The following TBC1D22A variants were observed in gnomAD, a reference collection of about 807,000 sequenced individuals.
TBC1D22A encodes putative GTPase activator.
Under a neutral mutation model 60.2 loss-of-function variants are expected in TBC1D22A, and 38 were observed. The observed-to-expected ratio is 0.63, with a 90% CI of 0.49 to 0.83. TBC1D22A has a LOEUF of 0.83. TBC1D22A is among the 40% of genes least tolerant of loss of function. The pLI is 0.00. For synonymous variants in TBC1D22A, 302 were observed against 281.7 expected (o/e 1.07, Z -0.72); for missense variants, 628 against 701.0 (o/e 0.90, Z 1.18).
chr22:46,944,796 C>T (rs928381187), intron 8 of TBC1D22A, among the ~76,000 whole-genome samples: 1 of 152,104 alleles, frequency 6.6e-6, no homozygotes, highest in Non-Finnish European at 1.5e-5. Context: ...AATGAAGATA[C>T]TTTTATTTTA....
intron 11 of TBC1D22A, among the ~76,000 whole-genome samples, chr22:47,062,134 G>GC (rs2063603671): frequency 7.0e-6 from 1 of 143,782 alleles, no homozygotes; most frequent in Admixed American, 7.1e-5. Context: ...TCAGTCCTCC[G>GC]CCCCCTTTGT....
intron 10 of TBC1D22A, among the ~76,000 whole-genome samples, chr22:47,010,301 C>T (rs1249993629): frequency 6.6e-6 from 1 of 152,130 alleles, no homozygotes; most frequent in Non-Finnish European, 1.5e-5. Flanking sequence ...AAATCAGCAG[C>T]GCAGCCAGGC....
At chr22:46,948,651 T>C (rs1292629751) in intron 8 of TBC1D22A, among the ~76,000 whole-genome samples, 1 of 152,226 alleles carries the variant, frequency 6.6e-6, no homozygotes, top group Non-Finnish European at 1.5e-5. Context: ...GCACAGAAGC[T>C]GTCTTCCCTC....
chr22:46,787,377 C>G (rs1474301528), intron 1 of TBC1D22A, among the ~76,000 whole-genome samples: 1 of 152,220 alleles, frequency 6.6e-6, no homozygotes, highest in African/African-American at 2.4e-5. Context: ...TGCCTCTCCT[C>G]TCTTTCTGTC....
intron 10 of TBC1D22A, among the ~76,000 whole-genome samples, chr22:47,036,789 C>T (rs1194299309): frequency 1.3e-5 from 2 of 152,194 alleles, no homozygotes. Flanking sequence ...ACTCAAGCCC[C>T]CCCATCTTCC....
intron 1 of TBC1D22A, among the ~76,000 whole-genome samples, chr22:46,776,220 G>A (rs1456746401): frequency 6.6e-6 from 1 of 152,228 alleles, no homozygotes; most frequent in Non-Finnish European, 1.5e-5. Flanking sequence ...CTGGGACAAG[G>A]CCTTCTTGGC....
rs532929897 is a variant in TBC1D22A, at chr22:46,788,157, C to T, written c.63-4363C>T. Among the ~76,000 whole-genome samples, 63 of 152,048 alleles carry T rather than the reference C, an allele frequency of 4.1e-4. No individual in the cohort carries two copies. The East Asian group carries it at 6.4e-3, about 15-fold the overall frequency. ...TTCACTGTGTTAGCCAGGACGGTCT[C>T]GATCTCCAGACCTCGTGATCCACCC... On this transcript the variant is annotated intron_variant, in intron 1 of 12. Coordinates refer to ENST00000337137, the MANE Select transcript of TBC1D22A (RefSeq NM_014346.5).
At position 46,944,689 on chromosome 22, in the gene TBC1D22A, T is replaced by C. The variant is rs181028066; in HGVS notation, c.1016-29601T>C. The stretch of plus-strand genomic sequence containing the variant: ...CTGGGATTATAGGCGTGAGCCACCG[T>C]GCCCAGCCTGTACTCCATTTTTTAA... On this transcript the variant is annotated intron_variant, in intron 8 of 12. Coordinates refer to ENST00000337137, the MANE Select transcript of TBC1D22A (RefSeq NM_014346.5). Among the ~76,000 whole-genome samples, 326 of 152,340 alleles carry C rather than the reference T, an allele frequency of 2.1e-3. 2 individuals carry two copies. The East Asian group carries it at 0.036, about 17-fold the overall frequency.
At chr22:46,768,775 G>T (rs116764874) in intron 1 of TBC1D22A, among the ~76,000 whole-genome samples, 1,543 of 152,196 alleles carry the variant, frequency 0.01, 22 homozygotes, top group African/African-American at 0.035. Flanking sequence ...GGCAGCTGGG[G>T]TATGTGGAGT....
chr22:46,932,881 C>T (rs900348238), intron 8 of TBC1D22A, among the ~76,000 whole-genome samples: 12 of 152,154 alleles, frequency 7.9e-5, no homozygotes, highest in East Asian at 1.9e-4. Context: ...CCTGCCACCA[C>T]GCCTGGCTAA....
At chr22:47,086,837 A>G (rs1318076888) in intron 11 of TBC1D22A, among the ~76,000 whole-genome samples, 1 of 152,208 alleles carries the variant, frequency 6.6e-6, no homozygotes, top group African/African-American at 2.4e-5. Flanking sequence ...TGCCTGGACA[A>G]CTGTTGGCCC....
chr22:47,102,520 A>T (rs1483229283), intron 11 of TBC1D22A, among the ~76,000 whole-genome samples: 1 of 152,228 alleles, frequency 6.6e-6, no homozygotes, highest in Non-Finnish European at 1.5e-5. Context: ...ATTATGCCTC[A>T]TTAAAGCAGA....
chr22:46,824,941 T>C (rs2085985541), intron 4 of TBC1D22A, among the ~76,000 whole-genome samples: 1 of 152,104 alleles, frequency 6.6e-6, no homozygotes, highest in African/African-American at 2.4e-5. Flanking sequence ...CACAGGTGTG[T>C]CTGTAGTGAT....
chr22:47,041,635 G>A lies in TBC1D22A; in HGVS notation c.1329+4437G>A, dbSNP rs780238887. ...GGCGTCCTGGGCTCGGATGGAGGGCGTTTCTGCCCTAGTTCTGTGCTTAGC... is the reference window on the plus strand; with the variant it reads ...GGCGTCCTGGGCTCGGATGGAGGGCATTTCTGCCCTAGTTCTGTGCTTAGC... On this transcript the variant is annotated intron_variant, in intron 11 of 12. Coordinates refer to ENST00000337137, the MANE Select transcript of TBC1D22A (RefSeq NM_014346.5). Among the ~76,000 whole-genome samples the A allele has an allele frequency of 6.6e-5, 10 of 152,334 alleles. No homozygotes were observed. The South Asian group carries it at 1.0e-3, about 16-fold the overall frequency.
At chr22:46,868,643 C>A (rs990419214) in intron 4 of TBC1D22A, among the ~76,000 whole-genome samples, 7 of 152,154 alleles carry the variant, frequency 4.6e-5, no homozygotes, top group African/African-American at 1.4e-4. Context: ...GCTATTGTTG[C>A]TGGTACTTGT....
At chr22:47,040,674 G>A (rs933289605) in intron 11 of TBC1D22A, among the ~76,000 whole-genome samples, 1 of 152,136 alleles carries the variant, frequency 6.6e-6, no homozygotes, top group Non-Finnish European at 1.5e-5. Context: ...CTTGATGGGG[G>A]GCCCTGTGGG....
At chr22:46,766,364 T>A (rs1364736458) in intron 1 of TBC1D22A, among the ~76,000 whole-genome samples, 1 of 151,534 alleles carries the variant, frequency 6.6e-6, no homozygotes, top group Non-Finnish European at 1.5e-5. Flanking sequence ...CTCCTGATCA[T>A]GTGATCCACC....
At chr22:46,806,417 A>G (rs1265657675) in intron 4 of TBC1D22A, among the ~76,000 whole-genome samples, 1 of 150,896 alleles carries the variant, frequency 6.6e-6, no homozygotes, top group African/African-American at 2.4e-5. Context: ...TCAAGTGCAT[A>G]GTACTGAAAG....
intron 10 of TBC1D22A, among the ~76,000 whole-genome samples, chr22:47,016,591 G>C (rs1380558615): frequency 6.6e-6 from 1 of 152,208 alleles, no homozygotes; most frequent in Admixed American, 6.5e-5. Context: ...GATAGTGTCA[G>C]TGGGAGGTTC....
Sources: allele counts gnomAD v4.1 joint callset (sites outside exome capture counted in the v4.1 genomes callset), GRCh38; gene constraint gnomAD v4.1.1; transcripts MANE v1.5; gene names NCBI Gene and HGNC (gene_info 2026-07-23, HGNC 2026-07-21).